Variants in MYO1D observed in about 807,000 individuals in gnomAD.
The protein encoded by MYO1D is myosin ID, also known as unconventional myosin-Id.
A neutral mutation model predicts 122.0 loss-of-function variants in MYO1D; 83 were observed. The ratio of observed to expected loss-of-function variants is 0.68; its 90% confidence interval spans 0.57 to 0.82. The LOEUF (loss-of-function observed/expected upper bound fraction) is 0.82, where lower values mean the gene tolerates loss of function less well. MYO1D is among the 40% of genes least tolerant of loss of function. The probability of loss-of-function intolerance (pLI) is 0.00; values close to 1 mark genes in which losing one functional copy is unlikely to be tolerated. For synonymous variants in MYO1D, 464 were observed against 446.9 expected, an observed-to-expected ratio of 1.04 and a Z score of -0.48; for missense variants, 1,157 against 1,269.5, an observed-to-expected ratio of 0.91 and a Z score of 1.35.
At chr17:32,740,302 T>A (rs2089758057) in intron 13 of MYO1D, among the ~76,000 whole-genome samples, 2 of 152,212 alleles carry the variant, frequency 1.3e-5, no homozygotes, top group South Asian at 4.1e-4. Flanking sequence ...TCCAAATTCT[T>A]TGTCTACCTT....
Position 32,771,367 on chromosome 17 carries a change from T to C in MYO1D, c.619-147A>G, listed in dbSNP as rs2090111320. 7.1e-6 allele frequency: 4 copies of C among 561,378 alleles called. No individual in the cohort carries two copies. In the South Asian group the frequency reaches 9.1e-5, roughly 13 times the overall value. The allele number at this position is 561,378 out of a possible 1,614,324, so 34.8% of individuals were successfully genotyped here. A position where few individuals can be genotyped will look rare whatever the true frequency, so the allele number is the denominator to read the frequency against. On this transcript the variant is annotated intron_variant, in intron 5 of 21. Coordinates refer to ENST00000318217, the MANE Select transcript of MYO1D (RefSeq NM_015194.3). ...GCTTTGAAGTTTTGCTTGTTTGTTT[T>C]TTTAAACATTCAAGGTAAATGGCTT...
chr17:32,856,847 T>C (rs1327828518), intron 1 of MYO1D, among the ~76,000 whole-genome samples: 1 of 152,248 alleles, frequency 6.6e-6, no homozygotes, highest in Admixed American at 6.5e-5. Context: ...ATGAGCACTT[T>C]GATCTCAACA....
intron 20 of MYO1D, among the ~76,000 whole-genome samples, chr17:32,630,219 A>G (rs1224094799): frequency 6.6e-6 from 1 of 152,180 alleles, no homozygotes; most frequent in Non-Finnish European, 1.5e-5. Flanking sequence ...AAGCACATCT[A>G]GTATTCAGAT....
intron 20 of MYO1D, among the ~76,000 whole-genome samples, chr17:32,629,219 G>A (rs746195394): frequency 1.1e-4 from 16 of 152,166 alleles, no homozygotes; most frequent in Non-Finnish European, 2.4e-4. Flanking sequence ...AGGTTCAGGG[G>A]AAAGAGGGAA....
In MYO1D at chr17:32,872,246, G is replaced by C. The variant is rs1408554716; in HGVS notation, c.95+4532C>G. On this transcript the variant is annotated intron_variant, in intron 1 of 21. Coordinates refer to ENST00000318217, the MANE Select transcript of MYO1D (RefSeq NM_015194.3). ...TTGAAGCTCCTTCTCAGATATTCCA[G>C]GGTTTTGTTAGAACACAAGCAGGTT... 3.3e-5 allele frequency among the ~76,000 whole-genome samples: 5 copies of C among 151,800 alleles called. No individual in the cohort carries two copies. The East Asian group carries it at 9.7e-4, about 29-fold the overall frequency.
At chr17:32,640,699 C>T (rs1001808863) in intron 19 of MYO1D, among the ~76,000 whole-genome samples, 2 of 150,858 alleles carry the variant, frequency 1.3e-5, no homozygotes, top group Non-Finnish European at 3.0e-5. Flanking sequence ...TGTATATGTG[C>T]CACATTTTCT....
At position 32,832,282 on chromosome 17, in the gene MYO1D, TTTTC is replaced by T. The variant is rs975528504; in HGVS notation, c.95+44492_95+44495del. On this transcript the variant is annotated intron_variant, in intron 1 of 21. Coordinates refer to ENST00000318217, the MANE Select transcript of MYO1D (RefSeq NM_015194.3). ...ACGCACCACCACACCTGACTAATTT[TTTTC>T]TTTCTTCTTTTTTTTTTTTTTGTAT... 8.6e-5 allele frequency among the ~76,000 whole-genome samples: 13 copies of T among 151,444 alleles called. No individual in the cohort carries two copies. In the South Asian group the frequency reaches 1.9e-3, roughly 22 times the overall value.
chr17:32,636,455 G>A (rs1176901222), intron 20 of MYO1D, among the ~76,000 whole-genome samples: 1 of 152,120 alleles, frequency 6.6e-6, no homozygotes, highest in African/African-American at 2.4e-5. Flanking sequence ...CTAATATTCT[G>A]ACATATTTGC....
At chr17:32,543,529 TCA>T (rs1910912312) in intron 21 of MYO1D, among the ~76,000 whole-genome samples, 2 of 151,314 alleles carry the variant, frequency 1.3e-5, no homozygotes, top group African/African-American at 4.9e-5. Context: ...TGAGCCGAGA[TCA>T]TGCCACTGCA....
intron 16 of MYO1D, among the ~76,000 whole-genome samples, chr17:32,677,792 C>A (rs557076962): frequency 6.6e-6 from 1 of 152,124 alleles, no homozygotes; most frequent in African/African-American, 2.4e-5. Context: ...TTCAAACGAA[C>A]ACAAGCATTA....
Position 32,652,258 on chromosome 17 carries a change from C to T in MYO1D, c.2595+1585G>A, listed in dbSNP as rs1160194040. ...TACTCCGACCAAAAATGTCTTCTTA[C>T]ATCCTTATAAACATTGGTTATTATC... is the stretch of plus-strand genomic sequence containing the variant. On this transcript the variant is annotated intron_variant, in intron 19 of 21. Coordinates refer to ENST00000318217, the MANE Select transcript of MYO1D (RefSeq NM_015194.3). Among the ~76,000 whole-genome samples, 5 of 152,228 alleles carry T rather than the reference C, an allele frequency of 3.3e-5. No homozygotes were observed. In the East Asian group the frequency reaches 7.7e-4, roughly 23 times the overall value.
intron 19 of MYO1D, 90 bp from the exon 20 acceptor site, chr17:32,638,925 G>A: frequency 1.2e-6 from 1 of 851,020 alleles, no homozygotes; most frequent in Non-Finnish European, 2.0e-6. Flanking sequence ...TAATAGATGT[G>A]AACCATGTAT....
At chr17:32,847,199 G>C (rs1020085918) in intron 1 of MYO1D, among the ~76,000 whole-genome samples, 2 of 152,214 alleles carry the variant, frequency 1.3e-5, no homozygotes, top group Non-Finnish European at 2.9e-5. Flanking sequence ...GAATGAGTTA[G>C]ATACAGAATG....
chr17:32,717,077 T>C (rs2089456906), intron 15 of MYO1D, among the ~76,000 whole-genome samples: 1 of 152,208 alleles, frequency 6.6e-6, no homozygotes, highest in Non-Finnish European at 1.5e-5. Context: ...TAGAAAATAT[T>C]ATCTTTTCTC....
intron 16 of MYO1D, among the ~76,000 whole-genome samples, chr17:32,695,558 G>A (rs1286864749): frequency 6.6e-6 from 1 of 152,196 alleles, no homozygotes; most frequent in African/African-American, 2.4e-5. Flanking sequence ...ACTTCCAGTA[G>A]GACTTCCAAT....
intron 1 of MYO1D, among the ~76,000 whole-genome samples, chr17:32,822,351 A>T (rs1434714740): frequency 7.4e-6 from 1 of 135,060 alleles, no homozygotes; most frequent in Admixed American, 7.4e-5. Context: ...AGGAAGGGGA[A>T]CATCACACAC....
chr17:32,722,154 A>G (rs938272542), intron 14 of MYO1D, among the ~76,000 whole-genome samples: 1 of 152,218 alleles, frequency 6.6e-6, no homozygotes, highest in African/African-American at 2.4e-5. Context: ...AGTTTTCAAC[A>G]CCTAAAAAAA....
chr17:32,758,836 C>T (rs1015307734), intron 10 of MYO1D, among the ~76,000 whole-genome samples: 2 of 152,070 alleles, frequency 1.3e-5, no homozygotes, highest in African/African-American at 4.8e-5. Context: ...CCTTCTGCTC[C>T]CTCTAGGACA....
At chr17:32,847,585 G>C (rs974419341) in intron 1 of MYO1D, among the ~76,000 whole-genome samples, 10 of 152,198 alleles carry the variant, frequency 6.6e-5, no homozygotes, top group African/African-American at 2.4e-4. Flanking sequence ...CACAATCTCA[G>C]CTCATTGCAA....
Sources: gnomAD v4.1 joint callset for allele counts (sites outside exome capture counted in the v4.1 genomes callset) on GRCh38, gnomAD v4.1.1 for gene constraint, MANE v1.5 for transcripts, NCBI Gene and HGNC (gene_info 2026-07-23, HGNC 2026-07-21) for gene names.